Variants in P2RY8 observed in about 807,000 individuals in gnomAD.
The protein encoded by P2RY8 is P2Y receptor family member 8.
P2RY8 carries 6 observed loss-of-function variants against 10.0 expected under a neutral mutation model. That is an observed-to-expected ratio of 0.60 (90% confidence interval 0.33 to 1.19). The LOEUF is 1.19. Ranked by LOEUF, P2RY8 falls within the 50% of genes most tolerant of loss-of-function variation. The pLI, the probability that P2RY8 is intolerant of heterozygous loss-of-function variation, is 0.04. For synonymous variants in P2RY8, 276 were observed against 252.5 expected, an observed-to-expected ratio of 1.09 and a Z score of -0.88; for missense variants, 456 against 542.0, an observed-to-expected ratio of 0.84 and a Z score of 1.58.
chrX:1,506,584 G>A (rs1240087030), intron 1 of P2RY8, among the ~76,000 whole-genome samples: 8 of 152,092 alleles, frequency 5.3e-5, no homozygotes, highest in African/African-American at 9.7e-5. Flanking sequence ...TATCTACCAC[G>A]TTGACCAGAA....
At chrX:1,526,850 A>G (rs1432310208) in intron 1 of P2RY8, among the ~76,000 whole-genome samples, 1 of 152,078 alleles carries the variant, frequency 6.6e-6, no homozygotes, top group Non-Finnish European at 1.5e-5. Context: ...TTCAGCATCT[A>G]TTTATTCACT....
rs1341989356 is a variant in P2RY8 at position 1,536,947 on chromosome X, C to A, written c.-51G>T. The A allele has an allele frequency of 4.4e-5, 10 of 229,214 alleles. No homozygotes were observed. Among genetic ancestry groups the A allele is most frequent in the Non-Finnish European group, 8.6e-5 (10 of 115,724 alleles). The allele number at this position is 229,214 out of a possible 1,614,324, so 14.2% of individuals were successfully genotyped here. The stretch of plus-strand genomic sequence containing the variant: ...TGTGCAGAAGCAGCGGCAGAAGTAG[C>A]AGGTGAGAGCTCAGAGGGTCTCCAG... On this transcript the variant is annotated 5_prime_UTR_variant, in exon 1 of 2. Transcript: ENST00000381297.
chrX:1,506,519 A>G (rs1297871405), intron 1 of P2RY8, among the ~76,000 whole-genome samples: 2 of 152,074 alleles, frequency 1.3e-5, no homozygotes, highest in East Asian at 1.9e-4. Flanking sequence ...GGGTATCAGG[A>G]GTCCAGGAAA....
Position 1,515,958 on chromosome X carries a change from G to A in P2RY8, c.-25+20963C>T, listed in dbSNP as rs1423234576. Among the ~76,000 whole-genome samples, 217 of 123,676 alleles carry A rather than the reference G, an allele frequency of 1.8e-3. 5 individuals are homozygous for A. The highest frequency in any genetic ancestry group is 3.0e-3 in the South Asian group (9 of 3,028). The allele number at this position is 123,676 out of a possible 152,430, so 81.1% of individuals were successfully genotyped here. ...GGAGGCCGAGGGGTCGGGGGGTGGT[G>A]GATCACCTGAGGTCAGGAGTTCGAG... On this transcript the variant is annotated intron_variant, in intron 1 of 1. Transcript: ENST00000381297.
At chrX:1,500,982 G>A (rs576405858) in intron 1 of P2RY8, among the ~76,000 whole-genome samples, 7 of 152,132 alleles carry the variant, frequency 4.6e-5, no homozygotes, top group African/African-American at 1.2e-4. Context: ...AGCTGGGGCC[G>A]CCTGTCTGGC....
chrX:1,468,189 C>G (rs1465835313), intron 1 of P2RY8, among the ~76,000 whole-genome samples: 2 of 152,202 alleles, frequency 1.3e-5, no homozygotes, highest in Non-Finnish European at 2.9e-5. Context: ...CCTCCTGCCT[C>G]GGCCTCCCAA....
intron 1 of P2RY8, among the ~76,000 whole-genome samples, chrX:1,493,429 AGGGAGGG>A (rs2092082334): frequency 1.8e-4 from 7 of 39,754 alleles, no homozygotes; most frequent in East Asian, 8.4e-4. Context: ...AGGAAGGAGG[AGGGAGGG>A]AAGGAGGAGG....
chrX:1,530,307 A>G (rs2092465631), intron 1 of P2RY8, among the ~76,000 whole-genome samples: 1 of 148,044 alleles, frequency 6.8e-6, no homozygotes, highest in South Asian at 2.1e-4. Context: ...CTATCTATCT[A>G]TCTGTCATCT....
chrX:1,530,765 C>CTATT (rs61431861), intron 1 of P2RY8, among the ~76,000 whole-genome samples: 14,922 of 150,756 alleles, frequency 0.099, 824 homozygotes, highest in African/African-American at 0.12. Context: ...ATGTATATAT[C>CTATT]TATCTAATTT....
chrX:1,493,399 AGG>A (rs2092078318), intron 1 of P2RY8, among the ~76,000 whole-genome samples: 4 of 13,502 alleles, frequency 3.0e-4, no homozygotes, highest in Admixed American at 1.1e-3. Context: ...GAGGGAGGGA[AGG>A]AGGAAGGAGG....
intron 1 of P2RY8, among the ~76,000 whole-genome samples, chrX:1,475,281 A>T (rs1386497505): frequency 7.2e-6 from 1 of 139,280 alleles, no homozygotes; most frequent in Admixed American, 7.1e-5. Flanking sequence ...ATGAGTGGGT[A>T]GATGGGTGGG....
chrX:1,490,943 A>C (rs1465688884), intron 1 of P2RY8, among the ~76,000 whole-genome samples: 2 of 147,792 alleles, frequency 1.4e-5, no homozygotes, highest in Admixed American at 6.8e-5. Flanking sequence ...ATGATACCCC[A>C]GATTCACTTC....
chrX:1,521,875 A>T (rs1160018708), intron 1 of P2RY8, among the ~76,000 whole-genome samples: 1 of 150,324 alleles, frequency 6.7e-6, no homozygotes, highest in Non-Finnish European at 1.5e-5. Context: ...ATAGCCCAGA[A>T]TGAGGAAGTG....
At chrX:1,534,287 C>T (rs1224778244) in intron 1 of P2RY8, among the ~76,000 whole-genome samples, 1 of 144,878 alleles carries the variant, frequency 6.9e-6, no homozygotes, top group Non-Finnish European at 1.5e-5. Flanking sequence ...TATATATATA[C>T]ACACACACAG....
chrX:1,484,986 CTTT>C (rs773650240), intron 1 of P2RY8, among the ~76,000 whole-genome samples: 26,560 of 81,762 alleles, frequency 0.32, 3,553 homozygotes, highest in East Asian at 0.61. Context: ...GTAATAATGT[CTTT>C]TTTTTTTTTT....
chrX:1,489,974 C>A (rs1411040263), intron 1 of P2RY8, among the ~76,000 whole-genome samples: 7 of 3,824 alleles, frequency 1.8e-3, no homozygotes, highest in Non-Finnish European at 1.1e-3. Context: ...AATGATACCC[C>A]AGATTCACTT....
Position 1,534,101 on chromosome X carries a change from T to A in P2RY8, c.-25+2820A>T, listed in dbSNP as rs763753970. 2.2e-3 allele frequency among the ~76,000 whole-genome samples: 298 copies of A among 132,800 alleles called. 2 individuals carry two copies. Among genetic ancestry groups the A allele is most frequent in the African/African-American group, 8.1e-3 (282 of 34,838 alleles). 87.1% of individuals were successfully genotyped at this position (132,800 alleles called of 152,430 possible). On this transcript the variant is annotated intron_variant, in intron 1 of 1. Transcript: ENST00000381297. Reference sequence around the variant, plus strand: ...TATAATATATTTACATATATATTTATATATAATATATTTACATATATTATA... The same window carrying A: ...TATAATATATTTACATATATATTTAAATATAATATATTTACATATATTATA...
chrX:1,533,266 A>C (rs1333515795), intron 1 of P2RY8, among the ~76,000 whole-genome samples: 1 of 150,042 alleles, frequency 6.7e-6, no homozygotes, highest in Non-Finnish European at 1.5e-5. Context: ...CAACAAAAAC[A>C]CACATCAGCT....
chrX:1,465,358 G>C lies in P2RY8; in HGVS notation c.*121C>G. The C allele has an allele frequency of 6.8e-7, 1 of 1,460,672 alleles. No individual in the cohort carries two copies. Among genetic ancestry groups the C allele is most frequent in the South Asian group, 1.4e-5 (1 of 73,338 alleles). The allele number at this position is 1,460,672 out of a possible 1,614,324, so 90.5% of individuals were successfully genotyped here. A position where few individuals can be genotyped will look rare whatever the true frequency, so the allele number is the denominator to read the frequency against. On this transcript the variant is annotated 3_prime_UTR_variant, in exon 2 of 2. Coordinates refer to ENST00000381297, the MANE Select transcript of P2RY8 (RefSeq NM_178129.5). Reference sequence around the variant, plus strand: ...AAGCCTGGAGACCCTTCCCCACCGGGCCTCTGCAGTGCCTGGGAGCAACGC... The same window carrying C: ...AAGCCTGGAGACCCTTCCCCACCGGCCCTCTGCAGTGCCTGGGAGCAACGC...
Sources: allele counts gnomAD v4.1 joint callset (sites outside exome capture counted in the v4.1 genomes callset), GRCh38; gene constraint gnomAD v4.1.1; transcripts MANE v1.5; gene names NCBI Gene and HGNC (gene_info 2026-07-23, HGNC 2026-07-21).